The following ITPR2 variants were observed in gnomAD, a reference collection of about 807,000 sequenced individuals.
ITPR2 encodes the protein inositol 1,4,5-trisphosphate-gated calcium channel ITPR2.
A neutral mutation model predicts 317.1 loss-of-function variants in ITPR2; 207 were observed. The observed-to-expected ratio is 0.65, with a 90% CI of 0.58 to 0.73. The LOEUF (loss-of-function observed/expected upper bound fraction) is 0.73. Ranked by LOEUF, ITPR2 falls within the 30% of genes least tolerant of loss-of-function variation. The pLI is 0.00. For missense variants in ITPR2, 2,613 were observed against 3,284.0 expected (o/e 0.80, Z 4.99); for synonymous variants, 1,156 against 1,149.1 (o/e 1.01, Z -0.12).
chr12:26,482,811 A>G (rs755622884), intron 42 of ITPR2, among the ~76,000 whole-genome samples: 53 of 152,336 alleles, frequency 3.5e-4, no homozygotes, highest in Non-Finnish European at 6.3e-4. Context: ...ATGTGTGCGT[A>G]TCTCATGTAA....
chr12:26,456,542 T>TAGCC (rs914941352), intron 45 of ITPR2, among the ~76,000 whole-genome samples: 7 of 152,142 alleles, frequency 4.6e-5, no homozygotes, highest in Admixed American at 2.6e-4. Flanking sequence ...GTTTATGGAG[T>TAGCC]AGCCATTCTT....
intron 52 of ITPR2, among the ~76,000 whole-genome samples, chr12:26,402,053 G>A (rs1265611425): frequency 6.6e-6 from 1 of 152,166 alleles, no homozygotes; most frequent in Non-Finnish European, 1.5e-5. Context: ...TAGGGAAGAG[G>A]TAGGGCCTGT....
chr12:26,500,037 T>C (rs1943034988), intron 37 of ITPR2, among the ~76,000 whole-genome samples: 1 of 152,198 alleles, frequency 6.6e-6, no homozygotes, highest in East Asian at 1.9e-4. Flanking sequence ...GTAATCTTCA[T>C]TTAAGAATAA....
chr12:26,420,744 C>T (rs1414501837), intron 49 of ITPR2, among the ~76,000 whole-genome samples: 2 of 151,884 alleles, frequency 1.3e-5, no homozygotes, highest in Non-Finnish European at 2.9e-5. Context: ...TGCCCAAGAG[C>T]AGGTTTAATA....
intron 37 of ITPR2, among the ~76,000 whole-genome samples, chr12:26,516,495 G>A (rs1288041578): frequency 2.0e-5 from 3 of 152,022 alleles, no homozygotes; most frequent in Non-Finnish European, 4.4e-5. Flanking sequence ...TAAATTACTG[G>A]TTGTATCAAC....
At chr12:26,760,566 A>C (rs1949612606) in intron 2 of ITPR2, among the ~76,000 whole-genome samples, 1 of 152,202 alleles carries the variant, frequency 6.6e-6, no homozygotes, top group African/African-American at 2.4e-5. Flanking sequence ...TCTGGAGAGA[A>C]GTAAGCCCTA....
rs149876299 is a variant in ITPR2, at chr12:26,501,600, A to G, written c.5074-6340T>C. On this transcript the variant is annotated intron_variant, in intron 37 of 56. Coordinates refer to ENST00000381340, the MANE Select transcript of ITPR2 (RefSeq NM_002223.4). Reference sequence around the variant, plus strand: ...ATGCTCTTCTCATCAACACAATGACATACTCATTACAATCTTGAAAAATAT... The same window carrying G: ...ATGCTCTTCTCATCAACACAATGACGTACTCATTACAATCTTGAAAAATAT... 3.7e-3 allele frequency among the ~76,000 whole-genome samples: 565 copies of G among 152,366 alleles called. 2 individuals carry two copies. Among genetic ancestry groups the G allele is most frequent in the African/African-American group, 0.013 (528 of 41,592 alleles).
intron 52 of ITPR2, among the ~76,000 whole-genome samples, chr12:26,407,138 G>A (rs970916142): frequency 2.0e-5 from 3 of 152,016 alleles, no homozygotes; most frequent in African/African-American, 7.3e-5. Context: ...CCTAAAAGAT[G>A]GAGACTTTCC....
At chr12:26,782,035 T>TAGAG (rs1458394049) in intron 2 of ITPR2, among the ~76,000 whole-genome samples, 42 of 9,896 alleles carry the variant, frequency 4.2e-3, no homozygotes, top group Admixed American at 0.016. Context: ...TATATATATG[T>TAGAG]ATAGAGAGAG....
chr12:26,492,641 G>C lies in ITPR2; in HGVS notation c.5370+1512C>G, dbSNP rs896953520. Among the ~76,000 whole-genome samples, 7 of 152,232 alleles carry C rather than the reference G, an allele frequency of 4.6e-5. 1 individual carries two copies. In the South Asian group the frequency reaches 1.5e-3, roughly 32 times the overall value. On this transcript the variant is annotated intron_variant, in intron 39 of 56. Transcript: ENST00000381340. Reference sequence around the variant, plus strand: ...AAAAATCATTCATCCATTGATAAGTGAAATAGTGGAATCTAAAAATGTTGA... The same window carrying C: ...AAAAATCATTCATCCATTGATAAGTCAAATAGTGGAATCTAAAAATGTTGA...
At chr12:26,690,545 T>C (rs1287796320) in intron 10 of ITPR2, among the ~76,000 whole-genome samples, 1 of 152,260 alleles carries the variant, frequency 6.6e-6, no homozygotes, top group African/African-American at 2.4e-5. Context: ...TTGTGGTTTA[T>C]TCATCAGTCT....
At chr12:26,815,694 C>T (rs1805506066) in intron 1 of ITPR2, among the ~76,000 whole-genome samples, 2 of 151,692 alleles carry the variant, frequency 1.3e-5, no homozygotes, top group Non-Finnish European at 2.9e-5. Context: ...AATTGAGTAG[C>T]GTGCATTATC....
chr12:26,507,377 G>T (rs868162912), intron 37 of ITPR2, among the ~76,000 whole-genome samples: 1 of 152,106 alleles, frequency 6.6e-6, no homozygotes, highest in Non-Finnish European at 1.5e-5. Flanking sequence ...TTTAAGAAAG[G>T]CTTTATTAGA....
intron 21 of ITPR2, among the ~76,000 whole-genome samples, chr12:26,644,593 A>G (rs1422143328): frequency 6.6e-6 from 1 of 152,224 alleles, no homozygotes; most frequent in Non-Finnish European, 1.5e-5. Flanking sequence ...CTTACATGGC[A>G]GCAGGCAAAG....
chr12:26,666,903 G>A (rs772482411), intron 13 of ITPR2, among the ~76,000 whole-genome samples: 1 of 152,170 alleles, frequency 6.6e-6, no homozygotes, highest in African/African-American at 2.4e-5. Context: ...GGAGGGGGCA[G>A]GGGTTCAAGC....
intron 50 of ITPR2, among the ~76,000 whole-genome samples, chr12:26,418,236 T>A (rs1256534303): frequency 6.6e-6 from 1 of 152,144 alleles, no homozygotes; most frequent in Non-Finnish European, 1.5e-5. Context: ...CAACAAAATG[T>A]TTTTAGATGT....
At chr12:26,348,336 G>A (rs1263112516) in intron 55 of ITPR2, among the ~76,000 whole-genome samples, 7 of 152,154 alleles carry the variant, frequency 4.6e-5, no homozygotes, top group East Asian at 3.8e-4. Flanking sequence ...GTTATGGGGC[G>A]TGGTTATGGG....
intron 37 of ITPR2, among the ~76,000 whole-genome samples, chr12:26,510,588 T>C (rs919749923): frequency 1.3e-5 from 2 of 152,210 alleles, no homozygotes; most frequent in African/African-American, 4.8e-5. Context: ...CCAAAGACAA[T>C]CAGCATGCAC....
intron 54 of ITPR2, among the ~76,000 whole-genome samples, chr12:26,391,154 T>C (rs564113619): frequency 1.3e-5 from 2 of 152,350 alleles, no homozygotes; most frequent in Non-Finnish European, 1.5e-5. Flanking sequence ...TGAGCATCTA[T>C]TGATGCTGAC....
Sources: allele counts gnomAD v4.1 joint callset (sites outside exome capture counted in the v4.1 genomes callset), GRCh38; gene constraint gnomAD v4.1.1; transcripts MANE v1.5; gene names NCBI Gene and HGNC (gene_info 2026-07-23, HGNC 2026-07-21).